Variants in ENTPD1 observed in about 807,000 individuals in gnomAD.
The protein encoded by ENTPD1 is ATP diphosphohydrolase.
Under a neutral mutation model 57.0 loss-of-function variants are expected in ENTPD1, and 33 were observed. That is an observed-to-expected ratio of 0.58 (90% CI 0.44 to 0.77). The LOEUF (loss-of-function observed/expected upper bound fraction) is 0.77. Among genes scored for constraint, ENTPD1 ranks in the 30% least tolerant of loss-of-function variants. The pLI is 0.00. For missense variants in ENTPD1, 501 were observed against 603.4 expected (o/e 0.83, Z 1.78); for synonymous variants, 202 against 218.8 (o/e 0.92, Z 0.68).
chr10:95,797,497 T>A (rs1296837045), intron 1 of ENTPD1, among the ~76,000 whole-genome samples: 1 of 152,192 alleles, frequency 6.6e-6, no homozygotes, highest in Non-Finnish European at 1.5e-5. Flanking sequence ...GGGTAATTTA[T>A]AAAGAAAAGA....
rs370192251 is a variant in ENTPD1 at position 95,782,389 on chromosome 10, G to T, written c.16+26134G>T. ...TCTGAAGTGAGACATTGTCAAACTG[G>T]GTAGGTATGTCCAGAATGAGGAAGG... On this transcript the variant is annotated intron_variant, in intron 1 of 9. Coordinates refer to ENST00000371205, the MANE Select transcript of ENTPD1 (RefSeq NM_001776.6). Among the ~76,000 whole-genome samples, 35 of 152,200 alleles carry T rather than the reference G, an allele frequency of 2.3e-4. 2 individuals carry two copies. In the East Asian group the frequency reaches 4.4e-3, roughly 19 times the overall value.
Position 95,867,255 on chromosome 10 carries a change from T to C in ENTPD1, c.*872T>C. On this transcript the variant is annotated 3_prime_UTR_variant, in exon 10 of 10. Transcript: ENST00000371205. The stretch of plus-strand genomic sequence containing the variant: ...ATTCACCATTTTAACATTTAATTCA[T>C]ATTAAATACGTACAAATCAGTGACA... 1 of 964,266 alleles carries C rather than the reference T, an allele frequency of 1.0e-6. No individual in the cohort carries two copies. The highest frequency in any genetic ancestry group is 1.2e-6 in the Non-Finnish European group (1 of 810,634). 59.7% of individuals were successfully genotyped at this position (964,266 alleles called of 1,614,324 possible). A position where few individuals can be genotyped will look rare whatever the true frequency, so the allele number is the denominator to read the frequency against.
Position 95,867,783 on chromosome 10 carries a change from G to A in ENTPD1, c.*1400G>A. On this transcript the variant is annotated 3_prime_UTR_variant, in exon 10 of 10. Transcript: ENST00000371205. ...CCATCTCTAGATCTGGGGACTGACT[G>A]TTGAGCTGATGGGGAAAGAAAAGCT... 1.0e-6 allele frequency: 1 copy of A among 985,462 alleles called. No homozygotes were observed. Among genetic ancestry groups the A allele is most frequent in the Non-Finnish European group, 1.2e-6 (1 of 829,924 alleles). 61.0% of individuals were successfully genotyped at this position (985,462 alleles called of 1,614,324 possible). A position where few individuals can be genotyped will look rare whatever the true frequency, so the allele number is the denominator to read the frequency against.
chr10:95,755,446 T>C (rs2098019862), upstream of ENTPD1: 2 of 480,130 alleles, frequency 4.2e-6, no homozygotes, highest in African/African-American at 3.9e-5. Context: ...GGCTCTCATC[T>C]ACATTGGGGT....
chr10:95,833,466 A>G (rs2098402234), intron 2 of ENTPD1: 1 of 152,242 alleles, frequency 6.6e-6, no homozygotes. Context: ...ACTCAAAATT[A>G]TAAGCTTTGT....
At chr10:95,815,969 C>T (rs114111042) in intron 1 of ENTPD1, among the ~76,000 whole-genome samples, 5,686 of 152,248 alleles carry the variant, frequency 0.037, 130 homozygotes, top group Non-Finnish European at 0.049. Flanking sequence ...GCTGCCTGCA[C>T]GCACAGTGCC....
At chr10:95,845,624 C>T (rs1239644112) in intron 6 of ENTPD1, 28 bp downstream of exon 6, 1 of 1,614,172 alleles carries the variant, frequency 6.2e-7, no homozygotes, top group South Asian at 1.1e-5. Flanking sequence ...CAGACCTGCC[C>T]CCTTCACATC....
intron 1 of ENTPD1, among the ~76,000 whole-genome samples, chr10:95,788,387 T>G (rs1274078359): frequency 3.3e-5 from 5 of 151,778 alleles, no homozygotes; most frequent in Non-Finnish European, 7.4e-5. Flanking sequence ...GGAGGCTGAG[T>G]TGGGGAATCA....
upstream of ENTPD1, among the ~76,000 whole-genome samples, chr10:95,751,457 C>T (rs577241422): frequency 2.1e-4 from 32 of 152,226 alleles, no homozygotes; most frequent in African/African-American, 7.5e-4. Flanking sequence ...CAGTGGCTCA[C>T]GCCTGTAATC....
chr10:95,776,824 G>A (rs978534749), intron 1 of ENTPD1, among the ~76,000 whole-genome samples: 1 of 152,118 alleles, frequency 6.6e-6, no homozygotes, highest in African/African-American at 2.4e-5. Context: ...TGGAGGCTTT[G>A]TTCATTTCTT....
At chr10:95,700,826 C>G in the ENTPD1 span, among the ~76,000 whole-genome samples, 1 of 148,758 alleles carries the variant, frequency 6.7e-6, no homozygotes, top group Non-Finnish European at 1.5e-5. Flanking sequence ...AAGTTTCGCT[C>G]TTGTTGCCCA....
the ENTPD1 span, among the ~76,000 whole-genome samples, chr10:95,699,182 G>GA: frequency 1.7e-4 from 25 of 149,374 alleles, no homozygotes; most frequent in African/African-American, 5.2e-4. Flanking sequence ...AAGGAAAAAG[G>GA]AAAAAAAAAT....
chr10:95,825,285 T>C (rs2098370524), intron 2 of ENTPD1, among the ~76,000 whole-genome samples: 1 of 152,230 alleles, frequency 6.6e-6, no homozygotes, highest in Admixed American at 6.5e-5. Flanking sequence ...AGCATACTCT[T>C]GAATGATAAC....
At chr10:95,834,965 T>TG (rs2098406116) in intron 2 of ENTPD1, among the ~76,000 whole-genome samples, 1 of 152,074 alleles carries the variant, frequency 6.6e-6, no homozygotes, top group African/African-American at 2.4e-5. Flanking sequence ...TTTAGACTCA[T>TG]GGGGCACATG....
intron 1 of ENTPD1, among the ~76,000 whole-genome samples, chr10:95,815,662 G>A (rs758456749): frequency 3.9e-5 from 6 of 152,152 alleles, no homozygotes; most frequent in South Asian, 4.1e-4. Flanking sequence ...CCCTGTTACC[G>A]GTGGCAGCTA....
At position 95,867,704 on chromosome 10, in the gene ENTPD1, C is replaced by G; in HGVS notation, c.*1321C>G. On this transcript the variant is annotated 3_prime_UTR_variant, in exon 10 of 10. Coordinates refer to ENST00000371205, the MANE Select transcript of ENTPD1 (RefSeq NM_001776.6). ...TCCTTAAGGATTGCTGCAAGAGTTA[C>G]CTGTTGAGCAGGATTGACTGGTGAT... 2.0e-6 allele frequency: 2 copies of G among 985,434 alleles called. No homozygotes were observed. The highest frequency in any genetic ancestry group is 2.4e-6 in the Non-Finnish European group (2 of 829,948). The allele number at this position is 985,434 out of a possible 1,614,324, so 61.0% of individuals were successfully genotyped here. A position where few individuals can be genotyped will look rare whatever the true frequency, so the allele number is the denominator to read the frequency against.
At chr10:95,790,604 GT>G (rs971063026) in intron 1 of ENTPD1, among the ~76,000 whole-genome samples, 33 of 151,834 alleles carry the variant, frequency 2.2e-4, no homozygotes, top group African/African-American at 7.3e-4. Context: ...AATATTCTGA[GT>G]TTTTTTTGTT....
chr10:95,856,319 T>C (rs1383987809), intron 7 of ENTPD1, among the ~76,000 whole-genome samples: 1 of 152,112 alleles, frequency 6.6e-6, no homozygotes, highest in Non-Finnish European at 1.5e-5. Context: ...GCAAGAATGG[T>C]CATAATTTAA....
At chr10:95,782,606 C>G (rs1238432222) in intron 1 of ENTPD1, among the ~76,000 whole-genome samples, 1 of 152,054 alleles carries the variant, frequency 6.6e-6, no homozygotes, top group Non-Finnish European at 1.5e-5. Flanking sequence ...AGAGTTAGGG[C>G]AATTTGAGGA....
Sources: allele counts gnomAD v4.1 joint callset (sites outside exome capture counted in the v4.1 genomes callset), GRCh38; gene constraint gnomAD v4.1.1; transcripts MANE v1.5; gene names NCBI Gene and HGNC (gene_info 2026-07-23, HGNC 2026-07-21).